Variants in CTIF observed in about 807,000 individuals in gnomAD.
CTIF encodes the protein cap binding complex dependent translation initiation factor.
In CTIF, 21 loss-of-function variants were observed where a neutral mutation model predicts 66.0. That is an observed-to-expected ratio of 0.32 (90% CI 0.23 to 0.46). CTIF has a LOEUF of 0.46. Ranked by LOEUF, CTIF falls within the 20% of genes least tolerant of loss-of-function variation. CTIF has a pLI of 1.00. For synonymous variants in CTIF, 345 were observed against 326.4 expected (o/e 1.06, Z -0.62); for missense variants, 739 against 812.7 (o/e 0.91, Z 1.10).
At chr18:48,779,078 A>G (rs948097038) in intron 9 of CTIF, among the ~76,000 whole-genome samples, 1 of 152,114 alleles carries the variant, frequency 6.6e-6, no homozygotes, top group African/African-American at 2.4e-5. Flanking sequence ...AATAGATAAT[A>G]CCTGCCTCCT....
chr18:48,702,783 A>G (rs921307948), intron 6 of CTIF, among the ~76,000 whole-genome samples: 11 of 152,208 alleles, frequency 7.2e-5, no homozygotes, highest in African/African-American at 2.7e-4. Context: ...AATCAGGTCA[A>G]CTTCTCTGAA....
At chr18:48,802,771 C>T (rs1401927539) in intron 9 of CTIF, among the ~76,000 whole-genome samples, 1 of 152,190 alleles carries the variant, frequency 6.6e-6, no homozygotes, top group African/African-American at 2.4e-5. Flanking sequence ...GGAACTTCAG[C>T]CCCCTCACGC....
At chr18:48,693,161 G>C (rs72909797) in intron 6 of CTIF, among the ~76,000 whole-genome samples, 56 of 152,314 alleles carry the variant, frequency 3.7e-4, no homozygotes, top group Non-Finnish European at 6.6e-4. Context: ...GATCTTGGCA[G>C]ACCATGGTGA....
At chr18:48,625,003 T>C (rs1439485991) in intron 2 of CTIF, among the ~76,000 whole-genome samples, 1 of 152,204 alleles carries the variant, frequency 6.6e-6, no homozygotes, top group African/African-American at 2.4e-5. Flanking sequence ...TGGCAATGAA[T>C]AGGATAGGGT....
At chr18:48,616,064 C>T (rs1392941089) in intron 1 of CTIF, among the ~76,000 whole-genome samples, 3 of 152,192 alleles carry the variant, frequency 2.0e-5, no homozygotes, top group African/African-American at 7.2e-5. Context: ...GGGAGAGCCC[C>T]GCAGAGCCGG....
rs942766077 is a variant in CTIF, at chr18:48,550,692, A to G, written c.-29+11380A>G. ...ACTTCCCATCACTCCCTGCCTCCTC[A>G]TCATTCCTTGGATACTTGCCTATCT... On this transcript the variant is annotated intron_variant, in intron 1 of 11. Transcript: ENST00000256413. Among the ~76,000 whole-genome samples the G allele has an allele frequency of 3.0e-4, 45 of 152,000 alleles. 1 individual carries two copies. The highest frequency in any genetic ancestry group is 3.2e-3 in the Middle Eastern group (1 of 316).
chr18:48,568,633 T>TAAAAGAAAAAAAAAAAA (rs2089331811), intron 1 of CTIF, among the ~76,000 whole-genome samples: 1 of 36,622 alleles, frequency 2.7e-5, no homozygotes, highest in Non-Finnish European at 6.0e-5. Context: ...GGGCAATTTG[T>TAAAAGAAAAAAAAAAAA]AAAAAAAAAA....
chr18:48,639,409 AC>A (rs2144654531), intron 3 of CTIF, among the ~76,000 whole-genome samples: 1 of 152,122 alleles, frequency 6.6e-6, no homozygotes, highest in South Asian at 2.1e-4. Flanking sequence ...AAAAAAATGC[AC>A]CCTGCACGGC....
chr18:48,813,984 T>C (rs1484530620), intron 9 of CTIF, among the ~76,000 whole-genome samples: 1 of 152,186 alleles, frequency 6.6e-6, no homozygotes, highest in African/African-American at 2.4e-5. Flanking sequence ...CAGAGACAGA[T>C]AGAGGAAGGG....
chr18:48,601,558 CT>C (rs1422858125), intron 1 of CTIF, among the ~76,000 whole-genome samples: 7 of 152,184 alleles, frequency 4.6e-5, no homozygotes, highest in Admixed American at 3.3e-4. Context: ...GAATGACAGC[CT>C]GGGGACCAGC....
intron 7 of CTIF, among the ~76,000 whole-genome samples, chr18:48,744,883 C>T (rs989432326): frequency 9.3e-5 from 14 of 151,098 alleles, no homozygotes; most frequent in Admixed American, 7.3e-4. Context: ...AGTGCAGTGG[C>T]GCAATCTTGG....
Position 48,560,838 on chromosome 18 carries a change from G to A in CTIF, c.-29+21526G>A, listed in dbSNP as rs114855883. On this transcript the variant is annotated intron_variant, in intron 1 of 11. Transcript: ENST00000256413. The stretch of plus-strand genomic sequence containing the variant: ...TCCTCCCACCTTGGCCTCCCAAAGT[G>A]CTGGGATTCTAGGGATGAACCACTG... Among the ~76,000 whole-genome samples the A allele has an allele frequency of 4.4e-3, 668 of 152,304 alleles. 4 individuals carry two copies. The highest frequency in any genetic ancestry group is 0.014 in the African/African-American group (580 of 41,566).
intron 1 of CTIF, among the ~76,000 whole-genome samples, chr18:48,548,368 C>T (rs1210498506): frequency 1.3e-5 from 2 of 152,266 alleles, no homozygotes; most frequent in African/African-American, 4.8e-5. Context: ...AGAGAATTCA[C>T]ATCTTGGCAT....
chr18:48,772,740 G>A (rs971337663), intron 9 of CTIF, among the ~76,000 whole-genome samples: 9 of 152,090 alleles, frequency 5.9e-5, no homozygotes, highest in African/African-American at 1.9e-4. Flanking sequence ...ATCTGTCAAT[G>A]GGCACTTGAT....
chr18:48,673,594 A>T (rs778686289), intron 6 of CTIF: 4 of 152,174 alleles, frequency 2.6e-5, no homozygotes, highest in Non-Finnish European at 4.4e-5. Flanking sequence ...GCTGGTCTCC[A>T]GGGTAGCTCC....
Position 48,669,031 on chromosome 18 carries a change from A to C in CTIF, c.432-1638A>C, listed in dbSNP as rs531085174. On this transcript the variant is annotated intron_variant, in intron 5 of 11. Transcript: ENST00000256413. ...CAGGCCTTTGCTGGTGTTTGCAGCT[A>C]GTTTCTCCTCCTCTGGGTTCCAGGG... Among the ~76,000 whole-genome samples the C allele has an allele frequency of 2.0e-5, 3 of 152,166 alleles. No individual in the cohort carries two copies. The East Asian group carries it at 5.8e-4, about 29-fold the overall frequency.
chr18:48,615,950 A>G (rs2090391923), intron 1 of CTIF, among the ~76,000 whole-genome samples: 1 of 152,180 alleles, frequency 6.6e-6, no homozygotes, highest in Non-Finnish European at 1.5e-5. Flanking sequence ...GATGGGTCTC[A>G]ATTCTGTCCC....
At chr18:48,675,847 G>C (rs959661289) in intron 6 of CTIF, among the ~76,000 whole-genome samples, 1 of 152,214 alleles carries the variant, frequency 6.6e-6, no homozygotes, top group African/African-American at 2.4e-5. Flanking sequence ...GGCTGGCTAA[G>C]TGGGGAGATG....
intron 9 of CTIF, among the ~76,000 whole-genome samples, chr18:48,807,807 C>T (rs1226457879): frequency 1.3e-5 from 2 of 152,040 alleles, no homozygotes; most frequent in Non-Finnish European, 2.9e-5. Context: ...GTCATGAGCT[C>T]CTGGCCTCAG....
Sources: gnomAD v4.1 joint callset for allele counts (sites outside exome capture counted in the v4.1 genomes callset) on GRCh38, gnomAD v4.1.1 for gene constraint, MANE v1.5 for transcripts, NCBI Gene and HGNC (gene_info 2026-07-23, HGNC 2026-07-21) for gene names.